Variants in PDE7A observed in about 807,000 individuals in gnomAD.
PDE7A encodes the protein high affinity 3',5'-cyclic-AMP phosphodiesterase 7A.
A neutral mutation model predicts 64.3 loss-of-function variants in PDE7A; 39 were observed. The ratio of observed to expected loss-of-function variants is 0.61; its 90% CI spans 0.47 to 0.79. The LOEUF is 0.79. Ranked by LOEUF, PDE7A falls within the 30% of genes least tolerant of loss-of-function variation. The probability of loss-of-function intolerance (pLI) is 0.00; values close to 1 mark genes in which losing one functional copy is unlikely to be tolerated. For synonymous variants in PDE7A, 203 were observed against 206.8 expected, an observed-to-expected ratio of 0.98 and a Z score of 0.16; for missense variants, 470 against 582.8, an observed-to-expected ratio of 0.81 and a Z score of 1.99.
chr8:65,810,366 A>G (rs369576442), intron 1 of PDE7A, among the ~76,000 whole-genome samples: 14,211 of 149,592 alleles, frequency 0.095, 840 homozygotes, highest in Non-Finnish European at 0.14. Flanking sequence ...GGGATGGGGG[A>G]GGGATAGCAT....
intron 1 of PDE7A, among the ~76,000 whole-genome samples, chr8:65,834,494 G>C (rs560126354): frequency 6.6e-6 from 1 of 152,256 alleles, no homozygotes; most frequent in South Asian, 2.1e-4. Flanking sequence ...TCAAGGGTCA[G>C]CTGTAATTAT....
Position 65,739,577 on chromosome 8 carries a change from T to C in PDE7A, c.520A>G (p.Thr174Ala), listed in dbSNP as rs897345925. The change falls in exon 6 of 13, where the codon ACC becomes GCC. Residue 174 changes from threonine (T) to alanine (A), a missense_variant. Transcript: ENST00000401827. ...LTNGNSLVSL[T>A]FHLFSLHGLI... is the part of the protein sequence containing the mutation. ...CCATGAAGACTAAATAAATGAAAGG[T>C]TAAGCTTACTAGACTATTTCCTAAA... 1.9e-6 allele frequency: 3 copies of C among 1,548,346 alleles called. No individual in the cohort carries two copies. The highest frequency in any genetic ancestry group is 2.6e-6 in the Non-Finnish European group (3 of 1,153,394).
chr8:65,739,638 A>G (rs1363491958), intron 5 of PDE7A, 41 bp from the exon 6 acceptor site: 14 of 1,435,896 alleles, frequency 9.8e-6, no homozygotes, highest in Non-Finnish European at 1.0e-5. Context: ...AGGAAATACA[A>G]GTCAACACAA....
chr8:65,787,288 T>C (rs547959455), intron 1 of PDE7A, among the ~76,000 whole-genome samples: 8 of 152,296 alleles, frequency 5.3e-5, no homozygotes, highest in East Asian at 3.9e-4. Context: ...CTCTATAAGG[T>C]AGGCTTTATT....
intron 1 of PDE7A, among the ~76,000 whole-genome samples, chr8:65,798,462 G>A (rs1380540672): frequency 3.9e-5 from 6 of 151,922 alleles, no homozygotes; most frequent in South Asian, 4.2e-4. Flanking sequence ...CACCCGCCTC[G>A]GCCTTCCAAA....
chr8:65,724,598 C>T (rs1444548691), intron 10 of PDE7A, among the ~76,000 whole-genome samples, 179 bp downstream of exon 10: 2 of 152,048 alleles, frequency 1.3e-5, no homozygotes, highest in Non-Finnish European at 2.9e-5. Flanking sequence ...TGATGCCTTC[C>T]TAGGTAGCAG....
chr8:65,719,840 G>A (rs1164169902), intron 12 of PDE7A: 4 of 277,924 alleles, frequency 1.4e-5, no homozygotes, highest in South Asian at 4.4e-5. Context: ...AGCCCAATTC[G>A]AGGCAGAGTT....
chr8:65,780,331 T>C (rs1809378676), intron 2 of PDE7A, among the ~76,000 whole-genome samples: 1 of 152,356 alleles, frequency 6.6e-6, no homozygotes, highest in Middle Eastern at 3.4e-3. Context: ...TACAATTTCA[T>C]AGATGTGTAA....
intron 3 of PDE7A, among the ~76,000 whole-genome samples, chr8:65,749,219 A>G (rs1009861959): frequency 2.0e-5 from 3 of 152,234 alleles, no homozygotes; most frequent in African/African-American, 7.2e-5. Context: ...CTTTCAGAAC[A>G]GGCATGAACT....
chr8:65,765,958 T>C (rs528410198), intron 3 of PDE7A, among the ~76,000 whole-genome samples: 1 of 152,354 alleles, frequency 6.6e-6, no homozygotes, highest in African/African-American at 2.4e-5. Context: ...TATTTATTTA[T>C]TTTTTGAGAT....
intron 5 of PDE7A, among the ~76,000 whole-genome samples, chr8:65,744,980 T>C (rs1185528013): frequency 6.6e-6 from 1 of 152,202 alleles, no homozygotes; most frequent in Non-Finnish European, 1.5e-5. Flanking sequence ...GTAGTTCCCA[T>C]AATTCCCATG....
chr8:65,840,405 C>CAT (rs1811052700), intron 1 of PDE7A, among the ~76,000 whole-genome samples: 6 of 114,244 alleles, frequency 5.3e-5, no homozygotes, highest in African/African-American at 3.1e-4. Context: ...CCTGCACACA[C>CAT]ACACACACAC....
At position 65,719,453 on chromosome 8, in the gene PDE7A, G is replaced by A. The variant is rs1238144035; in HGVS notation, c.1286C>T (p.Ala429Val). The A allele has an allele frequency of 1.2e-6, 2 of 1,614,050 alleles. No individual in the cohort carries two copies. The highest frequency in any genetic ancestry group is 3.3e-5 in the Admixed American group (2 of 60,016). The part of the protein sequence containing the change: ...YLVEPLFTEW[A>V]RFSNTRLSQT... ...GGATAGCCTTGTATTGGAAAACCTG[G>A]CCCATTCTGTAAATAAAGGCTCCAC... The change falls in exon 13 of 13, where the codon GCC becomes GTC. Residue 429 changes from alanine (A) to valine (V), a missense_variant. Physicochemically the swap from Ala to Val is moderately conservative, Grantham distance 64. Transcript: ENST00000401827.
chr8:65,724,345 A>G lies in PDE7A; in HGVS notation c.1072T>C (p.Leu358=), dbSNP rs939505613. Residue 358 remains leucine, a synonymous_variant, in exon 11 of 13, where the codon TTG becomes CTG. Transcript: ENST00000401827. ...RHRHLVLQMA[L]KCADICNPCR... ...GGGTTACAAATATCAGCACATTTCA[A>G]AGCCATCTAGCAAACAAAACATTAA... 2 of 1,609,862 alleles carry G rather than the reference A, an allele frequency of 1.2e-6. No homozygotes were observed. The highest frequency in any genetic ancestry group is 2.7e-5 in the African/African-American group (2 of 74,790).
At chr8:65,840,686 A>T (rs1811058846) in intron 1 of PDE7A, among the ~76,000 whole-genome samples, 1 of 151,988 alleles carries the variant, frequency 6.6e-6, no homozygotes, top group South Asian at 2.1e-4. Context: ...AGAAATGCTC[A>T]GGAGCAACTG....
chr8:65,827,279 CTT>C (rs146782060), intron 1 of PDE7A, among the ~76,000 whole-genome samples: 61 of 152,286 alleles, frequency 4.0e-4, no homozygotes, highest in African/African-American at 1.0e-3. Flanking sequence ...TTTAACCTCT[CTT>C]GTTTCAGCCT....
chr8:65,822,719 C>T (rs1300454423), intron 1 of PDE7A, among the ~76,000 whole-genome samples: 1 of 152,158 alleles, frequency 6.6e-6, no homozygotes, highest in Non-Finnish European at 1.5e-5. Context: ...CTGAGGGCAA[C>T]TGGACTCAGG....
rs561155350 is a variant in PDE7A at position 65,799,639 on chromosome 8, G to A, written c.139-16796C>T. On this transcript the variant is annotated intron_variant, in intron 1 of 12. Coordinates refer to ENST00000401827, the MANE Select transcript of PDE7A (RefSeq NM_001242318.3). ...GTTGATTTGCTTTAATGTTAGGAGA[G>A]GTTAAGTGTCTGGATACTAAGGACA... Among the ~76,000 whole-genome samples, 28 of 152,274 alleles carry A rather than the reference G, an allele frequency of 1.8e-4. No homozygotes were observed. In the South Asian group the frequency reaches 5.4e-3, roughly 29 times the overall value.
At position 65,723,625 on chromosome 8, in the gene PDE7A, T is replaced by C. The variant is rs766415277; in HGVS notation, c.1163-4A>G. Reference sequence around the variant, plus strand: ...TGATATTTTTTTTCTATATCTCCTATAAATTAAAAAAAGAGAAGTATTAAT... The same window carrying C: ...TGATATTTTTTTTCTATATCTCCTACAAATTAAAAAAAGAGAAGTATTAAT... On this transcript the variant is annotated splice_region_variant and splice_polypyrimidine_tract_variant and intron_variant, in intron 11 of 12. Coordinates refer to ENST00000401827, the MANE Select transcript of PDE7A (RefSeq NM_001242318.3). 6.5e-7 allele frequency: 1 copy of C among 1,539,354 alleles called. No homozygotes were observed. Among genetic ancestry groups the C allele is most frequent in the South Asian group, 1.3e-5 (1 of 78,180 alleles).
Sources: allele counts gnomAD v4.1 joint callset (sites outside exome capture counted in the v4.1 genomes callset), GRCh38; gene constraint gnomAD v4.1.1; transcripts MANE v1.5; gene names NCBI Gene and HGNC (gene_info 2026-07-23, HGNC 2026-07-21).